IGSF1: variants seen among roughly 807,000 people sequenced by gnomAD.
IGSF1 encodes immunoglobulin superfamily member 1.
Under a neutral mutation model 95.3 loss-of-function variants are expected in IGSF1, and 40 were observed. The ratio of observed to expected loss-of-function variants is 0.42; its 90% confidence interval spans 0.33 to 0.55. The LOEUF (loss-of-function observed/expected upper bound fraction) is 0.55. Ranked by LOEUF, IGSF1 falls within the 20% of genes least tolerant of loss-of-function variation. IGSF1 has a pLI of 0.10. For missense variants in IGSF1, 906 were observed against 1,025.4 expected (o/e 0.88, Z 1.59); for synonymous variants, 372 against 382.9 (o/e 0.97, Z 0.33).
rs970843771 is a variant in IGSF1 at position 131,279,035 on chromosome X, C to T, written c.1750+108G>A. The T allele has an allele frequency of 5.1e-5, 44 of 870,249 alleles. No individual in the cohort carries two copies. In the Middle Eastern group the frequency reaches 4.7e-3, roughly 93 times the overall value. The allele number at this position is 870,249 out of a possible 1,213,427, so 71.7% of individuals were successfully genotyped here. Reference sequence around the variant, plus strand: ...AGCTTTAGCAAGTGCCCCTTCCTGGCTGCCCTTCCCTCCCAACCAGCCACT... The same window carrying T: ...AGCTTTAGCAAGTGCCCCTTCCTGGTTGCCCTTCCCTCCCAACCAGCCACT... On this transcript the variant is annotated intron_variant, in intron 11 of 19. Transcript: ENST00000361420.
chrX:131,276,144 C>T lies in IGSF1; in HGVS notation c.2713G>A (p.Ala905Thr), dbSNP rs763768928. ...CQGTFQGMRF[A>T]LLQEGAHVPL... ...ACATGGGCTCCCTCCTGCAAGAGGG[C>T]GAACCTCATGCCCTGGAAAGTCCCT... is the stretch of plus-strand genomic sequence containing the variant. The change falls in exon 15 of 20, where the codon GCC becomes ACC. Residue 905 changes from alanine to threonine, a missense_variant. Transcript: ENST00000361420. The T allele has an allele frequency of 1.9e-5, 23 of 1,209,897 alleles. No homozygotes were observed. Among genetic ancestry groups the T allele is most frequent in the Admixed American group, 4.4e-5 (2 of 45,881 alleles).
chrX:131,283,742 C>T (rs753408502), intron 5 of IGSF1, among the ~76,000 whole-genome samples: 10 of 112,364 alleles, frequency 8.9e-5, no homozygotes, highest in East Asian at 5.6e-4. Context: ...AGTAAGTCTG[C>T]GACCCAAATA....
At chrX:131,282,829 C>A in intron 6 of IGSF1, 92 bp from the exon 7 acceptor site, 1 of 998,643 alleles carries the variant, frequency 1.0e-6, no homozygotes, top group Non-Finnish European at 1.4e-6. Context: ...CCAAACCACC[C>A]TTGGAAAAAC....
chrX:131,289,427 C>T (rs1313633031), upstream of IGSF1: 2 of 351,659 alleles, frequency 5.7e-6, no homozygotes, highest in African/African-American at 2.6e-5. Context: ...CTGCCTGGCA[C>T]CTGCAGTCCT....
At chrX:131,288,289 C>T (rs763517453) in intron 1 of IGSF1, among the ~76,000 whole-genome samples, 13 of 111,986 alleles carry the variant, frequency 1.2e-4, no homozygotes, top group Non-Finnish European at 2.1e-4. Context: ...TAAAAAGATG[C>T]TTATTTTTTC....
In IGSF1 at chrX:131,282,683, C is replaced by G; in HGVS notation, c.1007G>C (p.Gly336Ala). Residue 336 changes from glycine (G) to alanine (A), a missense_variant, in exon 7 of 20, where the codon GGT becomes GCT. Gly to Ala is a moderately conservative substitution (Grantham distance 60, BLOSUM62 0). Transcript: ENST00000361420. Reference protein sequence around the residue: ...LARPSAVVQMGQNVSLRCRGP... With the variant: ...LARPSAVVQMAQNVSLRCRGP... ...TCGACACCGTAGGCTCACATTCTGA[C>G]CCATTTGGACCACAGCACTGGGCCG... is the stretch of plus-strand genomic sequence containing the variant. 8.3e-7 allele frequency: 1 copy of G among 1,210,534 alleles called. No individual in the cohort carries two copies. The highest frequency in any genetic ancestry group is 1.1e-6 in the Non-Finnish European group (1 of 894,403).
chrX:131,280,170 G>C (rs1006864699), intron 9 of IGSF1, among the ~76,000 whole-genome samples: 3 of 108,977 alleles, frequency 2.8e-5, no homozygotes, highest in East Asian at 5.7e-4. Context: ...TCTAACCACT[G>C]GCTTGGAGAT....
In IGSF1 at chrX:131,281,864, C is replaced by CTCGG; in HGVS notation, c.1323_1326dup (p.Val443ProfsTer32). 1 of 1,209,748 alleles carries CTCGG rather than the reference C, an allele frequency of 8.3e-7. No individual in the cohort carries two copies. The highest frequency in any genetic ancestry group is 1.1e-6 in the Non-Finnish European group (1 of 893,858). ...GAAAATTCCAGTACTGGATGAGATA[C>CTCGG]TCGGCACTGAAGGGTGATGGCCTTT... On this transcript the variant is annotated frameshift_variant, in exon 8 of 20. Transcript: ENST00000361420. LOFTEE classifies it high-confidence loss of function.
At chrX:131,281,068 G>C (rs756377874) in intron 9 of IGSF1, 150 bp downstream of exon 9, 2 of 591,616 alleles carry the variant, frequency 3.4e-6, no homozygotes, top group Non-Finnish European at 5.4e-6. Flanking sequence ...TGAGGCGAAA[G>C]AGACAGGTGG....
In IGSF1 at chrX:131,279,310, C is replaced by T. The variant is rs750874639; in HGVS notation, c.1678G>A (p.Val560Ile). 8.3e-7 allele frequency: 1 copy of T among 1,210,973 alleles called. No individual in the cohort carries two copies. Among genetic ancestry groups the T allele is most frequent in the Admixed American group, 2.2e-5 (1 of 46,038 alleles). ...EAWLLGTAQG[V>I]TMLFIVTALL... Reference sequence around the variant, plus strand: ...GCCGTGACTATGAAGAGCATGGTGACCCCTTGAGCTGTTCCCAGCAACCAG... The same window carrying T: ...GCCGTGACTATGAAGAGCATGGTGATCCCTTGAGCTGTTCCCAGCAACCAG... The change falls in exon 10 of 20, where the codon GTC (valine) becomes ATC (isoleucine). Residue 560 changes from valine (V) to isoleucine (I), a missense_variant. This residue lies in a region of IGSF1 where 442 missense variants were observed against 448.1 expected (regional missense o/e 0.99). Coordinates refer to ENST00000361420, the MANE Select transcript of IGSF1 (RefSeq NM_001555.5).
Position 131,286,422 on chromosome X carries a change from GCAGGACT to G in IGSF1, c.97+8_97+14del, listed in dbSNP as rs1391082584. 6.8e-6 allele frequency: 8 copies of G among 1,182,771 alleles called. No homozygotes were observed. Among genetic ancestry groups the G allele is most frequent in the Non-Finnish European group, 9.2e-6 (8 of 870,799 alleles). On this transcript the variant is annotated splice_region_variant and intron_variant, in intron 3 of 19. Transcript: ENST00000361420. ...CTTTAGGAAGGAGGTGCCTGAGAGG[GCAGGACT>G]CACTTACCTATTGATGTCATACCCA...
Position 131,275,779 on chromosome X carries a change from A to G in IGSF1, c.2897-14T>C. The stretch of plus-strand genomic sequence containing the variant: ...TAGGGAATGTGTCTAGAAAGAGACC[A>G]AGGTTGTAAAGTGGTGACTATAGAA... On this transcript the variant is annotated splice_polypyrimidine_tract_variant and intron_variant, in intron 15 of 19. Coordinates refer to ENST00000361420, the MANE Select transcript of IGSF1 (RefSeq NM_001555.5). 8.3e-7 allele frequency: 1 copy of G among 1,199,159 alleles called. No homozygotes were observed. The highest frequency in any genetic ancestry group is 1.1e-6 in the Non-Finnish European group (1 of 886,635).
In IGSF1 at chrX:131,283,263, T is replaced by A; in HGVS notation, c.669A>T (p.Gly223=). ...CTGTCAAAGTTGGTTTGGGGTAGAG[T>A]CCTACAAACGGAAGAGACCCTAAAG... ...PSNPLKLVVA[G]LYPKPTLTAH... is the part of the protein sequence containing the mutation. Residue 223 remains glycine, a splice_region_variant and synonymous_variant, in exon 6 of 20, where the codon GGA becomes GGT. Transcript: ENST00000361420. 8.4e-7 allele frequency: 1 copy of A among 1,193,869 alleles called. No individual in the cohort carries two copies. The highest frequency in any genetic ancestry group is 1.1e-6 in the Non-Finnish European group (1 of 883,742).
In IGSF1 at chrX:131,275,192, G is replaced by T; in HGVS notation, c.3279C>A (p.Asp1093Glu). ...MTLQCQGELP[D>E]STFVLLKEGA... is the part of the protein sequence containing the mutation. Reference sequence around the variant, plus strand: ...CCTCCTTCAACAGGACAAATGTTGAGTCTGGCAGTTCCCCTTGACACTGAA... The same window carrying T: ...CCTCCTTCAACAGGACAAATGTTGATTCTGGCAGTTCCCCTTGACACTGAA... The change falls in exon 17 of 20, where the codon GAC becomes GAA. Residue 1093 changes from aspartate to glutamate, a missense_variant. Asp to Glu is a conservative substitution (Grantham distance 45). This residue lies in a region of IGSF1 where 411 missense variants were observed against 494.9 expected (regional missense o/e 0.83). Transcript: ENST00000361420. 8.3e-7 allele frequency: 1 copy of T among 1,211,144 alleles called. No individual in the cohort carries two copies. Among genetic ancestry groups the T allele is most frequent in the Non-Finnish European group, 1.1e-6 (1 of 894,811 alleles).
At chrX:131,284,824 A>G in intron 5 of IGSF1, 3 of 895,447 alleles carry the variant, frequency 3.4e-6, no homozygotes, top group Non-Finnish European at 4.1e-6. Flanking sequence ...AACTCCATTT[A>G]TAAGATTGCA....
chrX:131,281,387 A>G (rs1465041371), intron 8 of IGSF1, 49 bp from the exon 9 acceptor site: 2 of 1,190,149 alleles, frequency 1.7e-6, no homozygotes, highest in South Asian at 3.6e-5. Context: ...GGACAGGGGC[A>G]GGTGAATACA....
At chrX:131,289,076 G>A (rs5932879) in intron 1 of IGSF1, 138 bp downstream of exon 1, 36,789 of 324,531 alleles carry the variant, frequency 0.11, 1,488 homozygotes, top group Middle Eastern at 0.18. Flanking sequence ...TGAAGCGGGT[G>A]GGGGGACAGA....
In IGSF1 at chrX:131,282,664, C is replaced by T. The variant is rs1339547865; in HGVS notation, c.1026G>A (p.Arg342=). The T allele has an allele frequency of 8.3e-7, 1 of 1,210,811 alleles. No individual in the cohort carries two copies. Among genetic ancestry groups the T allele is most frequent in the Admixed American group, 2.2e-5 (1 of 46,057 alleles). Residue 342 remains arginine (R), a synonymous_variant, in exon 7 of 20, where the codon CGG becomes CGA. Coordinates refer to ENST00000361420, the MANE Select transcript of IGSF1 (RefSeq NM_001555.5). The part of the protein sequence containing the change: ...VVQMGQNVSL[R]CRGPVDGVGL... ...CCACTCCATCCACTGGTCCTCGACA[C>T]CGTAGGCTCACATTCTGACCCATTT...
At position 131,275,261 on chromosome X, in the gene IGSF1, T is replaced by C; in HGVS notation, c.3210A>G (p.Leu1070=). The change falls in exon 17 of 20, where the codon TTA becomes TTG. Residue 1070 remains leucine (L), a synonymous_variant. Coordinates refer to ENST00000361420, the MANE Select transcript of IGSF1 (RefSeq NM_001555.5). ...VTGLLPKPSL[L]AQPGPMVAPG... is the part of the protein sequence containing the mutation. ...GGGCCACCATGGGACCAGGCTGGGC[T>C]AATAGGCTGGGTTTGGGGAGTAAGC... 1 of 1,211,619 alleles carries C rather than the reference T, an allele frequency of 8.3e-7. No homozygotes were observed. The highest frequency in any genetic ancestry group is 1.1e-6 in the Non-Finnish European group (1 of 895,293).
Sources: gnomAD v4.1 joint callset for allele counts (sites outside exome capture counted in the v4.1 genomes callset) on GRCh38, gnomAD v4.1.1 for gene constraint, gnomAD v4.1.1 regional missense constraint, MANE v1.5 for transcripts, NCBI Gene and HGNC (gene_info 2026-07-23, HGNC 2026-07-21) for gene names.